AP1B1: variants seen among roughly 807,000 people sequenced by gnomAD.
AP1B1 encodes the protein AP-1 complex subunit beta-1.
Under a neutral mutation model 104.3 loss-of-function variants are expected in AP1B1, and 36 were observed. That is an observed-to-expected ratio of 0.35 (90% CI 0.26 to 0.46). The LOEUF (loss-of-function observed/expected upper bound fraction) is 0.46, where lower values mean the gene tolerates loss of function less well. AP1B1 is among the 20% of genes least tolerant of loss of function. The pLI is 1.00. For synonymous variants in AP1B1, 504 were observed against 517.5 expected (o/e 0.97, Z 0.35); for missense variants, 901 against 1,247.9 (o/e 0.72, Z 4.19).
chr22:29,356,033 T>C (rs541939558), intron 6 of AP1B1, among the ~76,000 whole-genome samples: 10 of 152,300 alleles, frequency 6.6e-5, no homozygotes, highest in African/African-American at 2.4e-4. Context: ...TGGAGCTCCC[T>C]CATCTGGAAA....
In AP1B1 at chr22:29,328,391, C is replaced by A. The variant is rs555938386; in HGVS notation, c.*430G>T. On this transcript the variant is annotated 3_prime_UTR_variant, in exon 23 of 23. Transcript: ENST00000357586. The surrounding 1 kb of genome is among the most constrained non-coding windows in gnomAD (Gnocchi z 4.1). ...CCAAGGGGAACCCCTCCCTGCACACCCAGGCCAGGTTGGCAGGGTCCATCC... is the reference window on the plus strand; with the variant it reads ...CCAAGGGGAACCCCTCCCTGCACACACAGGCCAGGTTGGCAGGGTCCATCC... 9.0e-5 allele frequency: 15 copies of A among 166,242 alleles called. No individual in the cohort carries two copies. Among genetic ancestry groups the A allele is most frequent in the Non-Finnish European group, 2.0e-4 (15 of 76,792 alleles). 10.3% of individuals were successfully genotyped at this position (166,242 alleles called of 1,614,324 possible). A position where few individuals can be genotyped will look rare whatever the true frequency, so the allele number is the denominator to read the frequency against.
intron 1 of AP1B1, among the ~76,000 whole-genome samples, chr22:29,368,233 G>A (rs976220434): frequency 6.6e-6 from 1 of 152,146 alleles, no homozygotes; most frequent in Non-Finnish European, 1.5e-5. Flanking sequence ...AAGAGACTGA[G>A]GCTGCAGTAA....
chr22:29,337,835 C>T (rs906574253), intron 16 of AP1B1, among the ~76,000 whole-genome samples: 5 of 152,272 alleles, frequency 3.3e-5, no homozygotes, highest in Non-Finnish European at 5.9e-5. Context: ...CAGCACTCCT[C>T]CTCCCTGCCA....
At chr22:29,386,017 G>C (rs1159041073) in intron 1 of AP1B1, among the ~76,000 whole-genome samples, 1 of 152,184 alleles carries the variant, frequency 6.6e-6, no homozygotes, top group African/African-American at 2.4e-5. Context: ...CGTACATTAA[G>C]GTCTCTGTTT....
At chr22:29,329,370 G>A in intron 22 of AP1B1, 1 of 1,231,360 alleles carries the variant, frequency 8.1e-7, no homozygotes, top group South Asian at 2.5e-5. Flanking sequence ...CCTCCGCTCT[G>A]GGGCCTGAGC....
chr22:29,338,072 C>A (rs528202888), intron 16 of AP1B1, among the ~76,000 whole-genome samples: 1 of 152,292 alleles, frequency 6.6e-6, no homozygotes, highest in African/African-American at 2.4e-5. Context: ...CCCTAGGTGG[C>A]ATAGTGGGCA....
chr22:29,349,859 G>A (rs2061846766), intron 10 of AP1B1, among the ~76,000 whole-genome samples, 176 bp downstream of exon 10: 1 of 152,134 alleles, frequency 6.6e-6, no homozygotes. Context: ...CCTTATTTTG[G>A]CCTGGGGAGT....
intron 11 of AP1B1, 68 bp downstream of exon 11, chr22:29,349,150 G>A: frequency 6.4e-7 from 1 of 1,568,446 alleles, no homozygotes; most frequent in East Asian, 2.2e-5. Flanking sequence ...GGGTTTCATG[G>A]CAGTATGGGC....
chr22:29,361,856 G>A (rs1833655695), intron 3 of AP1B1, among the ~76,000 whole-genome samples: 4 of 151,920 alleles, frequency 2.6e-5, no homozygotes, highest in Middle Eastern at 3.4e-3. Flanking sequence ...GTGCAGTGGC[G>A]TGATCTTGGC....
Position 29,356,569 on chromosome 22 carries a change from G to T in AP1B1, c.573C>A (p.His191Gln). The T allele has an allele frequency of 6.2e-7, 1 of 1,614,192 alleles. No homozygotes were observed. Among genetic ancestry groups the T allele is most frequent in the Non-Finnish European group, 8.5e-7 (1 of 1,180,024 alleles). ...TCAGATCGAGCAGGTTGCTGCTGGG[G>T]TGAGACTCGGCAATTTCTGAGAGCG... ...VAALSEIAES[H>Q]PSSNLLDLNP... The change falls in exon 6 of 23, where the codon CAC (histidine) becomes CAA (glutamine). Residue 191 changes from histidine to glutamine, a missense_variant. By Grantham distance (24) the His-to-Gln change is conservative. Around this residue, in one of 3 missense-constraint regions of AP1B1, gnomAD observed 471 missense variants for 696.7 expected, o/e 0.68. Coordinates refer to ENST00000357586, the MANE Select transcript of AP1B1 (RefSeq NM_001127.4).
chr22:29,351,507 T>C, intron 8 of AP1B1, 198 bp downstream of exon 8: 2 of 860,520 alleles, frequency 2.3e-6, no homozygotes, highest in Non-Finnish European at 1.8e-6. Context: ...TGACAGGTGA[T>C]AACATGGAGA....
chr22:29,388,448 G>A lies in AP1B1; in HGVS notation c.-52C>T, dbSNP rs184797861. 572 of 152,416 alleles carry A rather than the reference G, an allele frequency of 3.8e-3. 6 individuals are homozygous for A. Among genetic ancestry groups the A allele is most frequent in the Admixed American group, 0.012 (176 of 15,300 alleles). The allele number at this position is 152,416 out of a possible 1,614,324, so 9.4% of individuals were successfully genotyped here. A position where few individuals can be genotyped will look rare whatever the true frequency, so the allele number is the denominator to read the frequency against. ...CCCGCAGGTCCCAATAGCTCCCGGCGCCCCGGCTCGGTTCGGCTTGGCACC... is the reference window on the plus strand; with the variant it reads ...CCCGCAGGTCCCAATAGCTCCCGGCACCCCGGCTCGGTTCGGCTTGGCACC... On this transcript the variant is annotated 5_prime_UTR_variant, in exon 1 of 23. Transcript: ENST00000357586.
intron 1 of AP1B1, among the ~76,000 whole-genome samples, chr22:29,369,910 T>C (rs998164135): frequency 1.3e-5 from 2 of 151,492 alleles, no homozygotes. Flanking sequence ...CTAGGGGTTC[T>C]TTGGGGACCT....
chr22:29,385,129 A>C (rs1243069819), intron 1 of AP1B1, among the ~76,000 whole-genome samples: 1 of 152,184 alleles, frequency 6.6e-6, no homozygotes, highest in Non-Finnish European at 1.5e-5. Flanking sequence ...TCACGCCTGT[A>C]ATCCCAGCAC....
chr22:29,350,591 C>T (rs192009798), intron 9 of AP1B1, among the ~76,000 whole-genome samples: 5 of 152,276 alleles, frequency 3.3e-5, no homozygotes, highest in East Asian at 1.9e-4. Flanking sequence ...TTTCTCAGGA[C>T]GGCATCATAG....
chr22:29,329,639 G>A (rs2061527019), intron 22 of AP1B1, 73 bp downstream of exon 22: 1 of 1,605,906 alleles, frequency 6.2e-7, no homozygotes, highest in Non-Finnish European at 8.5e-7. Context: ...CAGGAGACAT[G>A]GGGTGCATGG....
chr22:29,351,845 C>A lies in AP1B1; in HGVS notation c.939-20G>T. Reference sequence around the variant, plus strand: ...TCAGGCCTGGTGGTGGGGCAGGATGCCCGGAGAGCAAAAAACAAGGCTTAA... The same window carrying A: ...TCAGGCCTGGTGGTGGGGCAGGATGACCGGAGAGCAAAAAACAAGGCTTAA... On this transcript the variant is annotated intron_variant, in intron 7 of 22. Coordinates refer to ENST00000357586, the MANE Select transcript of AP1B1 (RefSeq NM_001127.4). 1 of 1,611,420 alleles carries A rather than the reference C, an allele frequency of 6.2e-7. No individual in the cohort carries two copies. The highest frequency in any genetic ancestry group is 1.3e-5 in the African/African-American group (1 of 74,802).
rs139449922 is a variant in AP1B1 at position 29,341,590 on chromosome 22, C to A, written c.1707G>T (p.Thr569=). 3 of 1,614,222 alleles carry A rather than the reference C, an allele frequency of 1.9e-6. No homozygotes were observed. The highest frequency in any genetic ancestry group is 2.5e-6 in the Non-Finnish European group (3 of 1,180,042). The change falls in exon 13 of 23, where the codon ACG becomes ACT. Residue 569 remains threonine (T), a synonymous_variant. Transcript: ENST00000357586. ...GAGGCTTATGGTAGACGGAAGCCAG[C>A]GTGCCGATGTAGCAGATAAGCTCGT... The part of the protein sequence containing the change: ...LLDELICYIG[T]LASVYHKPPS...
intron 19 of AP1B1, 108 bp downstream of exon 19, chr22:29,331,341 T>C (rs2061554170): frequency 2.7e-6 from 3 of 1,122,034 alleles, no homozygotes; most frequent in Middle Eastern, 2.1e-4. Flanking sequence ...CCCGACTCCA[T>C]TTACGGGCAA....
Sources: allele counts gnomAD v4.1 joint callset (sites outside exome capture counted in the v4.1 genomes callset), GRCh38; gene constraint gnomAD v4.1.1; regional missense constraint gnomAD v4.1.1; non-coding constraint Gnocchi (gnomAD v3.1); transcripts MANE v1.5; gene names NCBI Gene and HGNC (gene_info 2026-07-23, HGNC 2026-07-21).